LRRC39: variants seen among roughly 807,000 people sequenced by gnomAD.
The protein encoded by LRRC39 is leucine rich repeat containing 39, also known as leucine-rich repeat-containing protein 39.
LRRC39 carries 35 observed loss-of-function variants against 39.7 expected under a neutral mutation model. The observed-to-expected ratio is 0.88, with a 90% CI of 0.67 to 1.17. The LOEUF (loss-of-function observed/expected upper bound fraction) is 1.17. LRRC39 is among the 50% of genes most tolerant of loss of function. LRRC39 has a pLI of 0.00. For synonymous variants in LRRC39, 113 were observed against 134.1 expected (o/e 0.84, Z 1.09); for missense variants, 357 against 385.8 (o/e 0.93, Z 0.62).
intron 6 of LRRC39, among the ~76,000 whole-genome samples, chr1:100,157,740 T>C (rs985410621): frequency 1.3e-5 from 2 of 152,228 alleles, no homozygotes; most frequent in Non-Finnish European, 2.9e-5. Context: ...ACTTCTTCAC[T>C]GATTCTAAGA....
intron 9 of LRRC39, among the ~76,000 whole-genome samples, chr1:100,151,361 T>C (rs1657997519): frequency 6.6e-6 from 1 of 152,136 alleles, no homozygotes; most frequent in South Asian, 2.1e-4. Context: ...TTTCCAAAAC[T>C]AGGTCACAAT....
intron 5 of LRRC39, 138 bp from the exon 6 acceptor site, chr1:100,158,505 T>C: frequency 1.6e-6 from 1 of 637,692 alleles, no homozygotes; most frequent in South Asian, 2.5e-5. Flanking sequence ...TGGCGCTATC[T>C]CGGCTCACTG....
intron 7 of LRRC39, 44 bp from the exon 8 acceptor site, chr1:100,155,247 A>C: frequency 6.8e-7 from 1 of 1,474,064 alleles, no homozygotes; most frequent in Non-Finnish European, 9.0e-7. Flanking sequence ...ATAATATGAA[A>C]ATATTGGTTT....
chr1:100,148,988 A>C lies in LRRC39; in HGVS notation c.*54T>G. On this transcript the variant is annotated 3_prime_UTR_variant, in exon 10 of 10. Coordinates refer to ENST00000370137, the MANE Select transcript of LRRC39 (RefSeq NM_144620.4). ...CTTTTCTTTTTACTTCAGAAATCCA[A>C]ACATTAGAGAATTCACCAAAGTAAT... is the stretch of plus-strand genomic sequence containing the variant. The C allele has an allele frequency of 4.2e-6, 6 of 1,428,344 alleles. No individual in the cohort carries two copies. The South Asian group carries it at 9.6e-5, about 23-fold the overall frequency. 88.5% of individuals were successfully genotyped at this position (1,428,344 alleles called of 1,614,324 possible). A position where few individuals can be genotyped will look rare whatever the true frequency, so the allele number is the denominator to read the frequency against.
chr1:100,161,612 G>A (rs1055740051), intron 3 of LRRC39, among the ~76,000 whole-genome samples: 3 of 152,096 alleles, frequency 2.0e-5, no homozygotes, highest in Admixed American at 2.0e-4. Flanking sequence ...ATATTCATAG[G>A]AGTAGAATTG....
chr1:100,160,651 G>A, intron 3 of LRRC39, 80 bp from the exon 4 acceptor site: 1 of 1,158,914 alleles, frequency 8.6e-7, no homozygotes, highest in Admixed American at 2.1e-5. Flanking sequence ...GAGAGAGAGA[G>A]TTTCACTCTT....
chr1:100,177,381 AAG>A (rs1660036233), intron 1 of LRRC39, among the ~76,000 whole-genome samples: 1 of 152,240 alleles, frequency 6.6e-6, no homozygotes, highest in African/African-American at 2.4e-5. Context: ...CAGTCAAAGA[AAG>A]AGGAGAACTA....
chr1:100,165,684 C>G, intron 3 of LRRC39, among the ~76,000 whole-genome samples: 1 of 152,040 alleles, frequency 6.6e-6, no homozygotes, highest in South Asian at 2.1e-4. Context: ...AAGTGTTTAC[C>G]AAGTAATCCA....
At chr1:100,164,931 G>A (rs1447081887) in intron 3 of LRRC39, among the ~76,000 whole-genome samples, 2 of 151,926 alleles carry the variant, frequency 1.3e-5, no homozygotes, top group Admixed American at 6.6e-5. Flanking sequence ...TCTCAAGCTC[G>A]TTGGGCTCAA....
In LRRC39 at chr1:100,174,871, A is replaced by G. The variant is rs143431188; in HGVS notation, c.-118-1501T>C. On this transcript the variant is annotated intron_variant, in intron 1 of 9. Transcript: ENST00000370137. ...ATCTCATGTTGAACTGTAATCCCCA[A>G]CGTTGGAGGTGTTGGCTAGGTAGGA... 6.1e-4 allele frequency among the ~76,000 whole-genome samples: 93 copies of G among 152,296 alleles called. 1 individual carries two copies. The East Asian group carries it at 0.017, about 27-fold the overall frequency.
At chr1:100,179,499 C>CAAAAAAAAAA (rs60588308), upstream of LRRC39, among the ~76,000 whole-genome samples, 16 of 45,582 alleles carry the variant, frequency 3.5e-4, 1 homozygote, top group East Asian at 1.6e-3. Context: ...CTGTATCTAC[C>CAAAAAAAAAA]AAAAAAAAAA....
At position 100,149,017 on chromosome 1, in the gene LRRC39, C is replaced by T. The variant is rs781269985; in HGVS notation, c.*25G>A. ...TTAGAGAATTCACCAAAGTAATCCT[C>T]TTTAGAAGGGCATCTTGAATTATAT... On this transcript the variant is annotated 3_prime_UTR_variant, in exon 10 of 10. Transcript: ENST00000370137. 1.1e-5 allele frequency: 17 copies of T among 1,550,204 alleles called. No individual in the cohort carries two copies. The South Asian group carries it at 2.0e-4, about 18-fold the overall frequency.
intron 5 of LRRC39, among the ~76,000 whole-genome samples, chr1:100,159,004 C>T (rs758972875): frequency 3.3e-5 from 5 of 152,000 alleles, no homozygotes; most frequent in Non-Finnish European, 7.4e-5. Flanking sequence ...AATAGCTGAG[C>T]CGACAATATT....
intron 9 of LRRC39, among the ~76,000 whole-genome samples, chr1:100,150,821 C>G (rs1174659211): frequency 6.6e-6 from 1 of 152,096 alleles, no homozygotes; most frequent in Non-Finnish European, 1.5e-5. Context: ...GCATGTTCCA[C>G]AGGTGCATCA....
chr1:100,179,499 CAAAAAAAAAAA>C, upstream of LRRC39, among the ~76,000 whole-genome samples: 1 of 45,618 alleles, frequency 2.2e-5, no homozygotes, highest in East Asian at 8.0e-4. Context: ...CTGTATCTAC[CAAAAAAAAAAA>C]AAAAAAAAAA....
chr1:100,152,973 T>C (rs759823733), intron 8 of LRRC39, among the ~76,000 whole-genome samples: 14 of 152,204 alleles, frequency 9.2e-5, no homozygotes, highest in Non-Finnish European at 1.6e-4. Flanking sequence ...GTGATCTGCC[T>C]GCCTCAGCCT....
chr1:100,160,540 A>G lies in LRRC39; in HGVS notation c.145T>C (p.Leu49=), dbSNP rs1246000457. The G allele has an allele frequency of 6.2e-7, 1 of 1,613,762 alleles. No homozygotes were observed. The highest frequency in any genetic ancestry group is 1.7e-5 in the Admixed American group (1 of 60,004). The change falls in exon 4 of 10, where the codon TTA becomes CTA. Residue 49 remains leucine (L), a synonymous_variant. Transcript: ENST00000370137. ...LVRIWEERVS[L]TKLREKVTRE... Reference sequence around the variant, plus strand: ...GTGACCTTTTCTCTTAGCTTGGTTAAGCTTACTCGTTCTTCCCAGATCCGC... The same window carrying G: ...GTGACCTTTTCTCTTAGCTTGGTTAGGCTTACTCGTTCTTCCCAGATCCGC...
intron 1 of LRRC39, among the ~76,000 whole-genome samples, chr1:100,176,289 G>A (rs1414732358): frequency 3.3e-5 from 5 of 152,082 alleles, no homozygotes; most frequent in African/African-American, 7.2e-5. Flanking sequence ...TTAGCCAGGC[G>A]TGGTGGCACA....
chr1:100,163,701 G>A (rs1174503370), intron 3 of LRRC39, among the ~76,000 whole-genome samples: 1 of 151,828 alleles, frequency 6.6e-6, no homozygotes, highest in Non-Finnish European at 1.5e-5. Context: ...CCAAAGCACT[G>A]GGATTACAGG....
Sources: gnomAD v4.1 joint callset for allele counts (sites outside exome capture counted in the v4.1 genomes callset) on GRCh38, gnomAD v4.1.1 for gene constraint, MANE v1.5 for transcripts, NCBI Gene and HGNC (gene_info 2026-07-23, HGNC 2026-07-21) for gene names.